The following TLE4 variants were observed in gnomAD, a reference collection of about 807,000 sequenced individuals.
TLE4 encodes transducin-like enhancer protein 4.
A neutral mutation model predicts 92.8 loss-of-function variants in TLE4; 8 were observed. That is an observed-to-expected ratio of 0.09 (90% CI 0.05 to 0.16). The LOEUF (loss-of-function observed/expected upper bound fraction) is 0.16. Ranked by LOEUF, TLE4 falls within the 10% of genes least tolerant of loss-of-function variation. The pLI is 1.00. For missense variants in TLE4, 675 were observed against 997.6 expected (o/e 0.68, Z 4.36); for synonymous variants, 371 against 374.1 (o/e 0.99, Z 0.10).
intron 16 of TLE4, 81 bp downstream of exon 16, chr9:79,720,374 ATGGG>A: frequency 1.7e-6 from 2 of 1,174,660 alleles, no homozygotes; most frequent in Non-Finnish European, 2.3e-6. Flanking sequence ...GTATATAGGT[ATGGG>A]TGTGTGTGTG....
intron 16 of TLE4, among the ~76,000 whole-genome samples, chr9:79,720,661 A>G (rs1319457978): frequency 1.3e-5 from 2 of 152,080 alleles, no homozygotes; most frequent in Admixed American, 6.6e-5. Context: ...CTCCATGGAC[A>G]TCTGTAATTT....
At chr9:79,637,078 C>A (rs1324171850) in intron 6 of TLE4, among the ~76,000 whole-genome samples, 1 of 101,526 alleles carries the variant, frequency 9.8e-6, no homozygotes, top group Non-Finnish European at 1.9e-5. Context: ...CTGTAGAATG[C>A]AAGGCTGGAG....
At chr9:79,661,402 G>A (rs1424494269) in intron 8 of TLE4, among the ~76,000 whole-genome samples, 2 of 152,146 alleles carry the variant, frequency 1.3e-5, no homozygotes, top group Non-Finnish European at 2.9e-5. Context: ...TATCTTCTGG[G>A]TTAAAAGACT....
chr9:79,606,331 C>CT lies in TLE4; in HGVS notation c.253-6311dup, dbSNP rs35416123. On this transcript the variant is annotated intron_variant, in intron 4 of 19. Coordinates refer to ENST00000376552, the MANE Select transcript of TLE4 (RefSeq NM_007005.6). ...ATCTTTAAGCTTTATTCCAGTCAGG[C>CT]TTTTTTTTTTTTTTAAGAATACCTA... Among the ~76,000 whole-genome samples the CT allele has an allele frequency of 5.6e-3, 542 of 96,030 alleles. 5 individuals carry two copies. Among genetic ancestry groups the CT allele is most frequent in the East Asian group, 0.038 (116 of 3,030 alleles). The allele number at this position is 96,030 out of a possible 152,430, so 63.0% of individuals were successfully genotyped here. A position where few individuals can be genotyped will look rare whatever the true frequency, so the allele number is the denominator to read the frequency against.
intron 4 of TLE4, among the ~76,000 whole-genome samples, chr9:79,604,155 A>T (rs1235548946): frequency 6.6e-6 from 1 of 152,106 alleles, no homozygotes; most frequent in Non-Finnish European, 1.5e-5. Flanking sequence ...TGAAAGCATC[A>T]GAGGGAGTGT....
intron 8 of TLE4, among the ~76,000 whole-genome samples, chr9:79,654,466 A>G (rs1246579017): frequency 6.6e-6 from 1 of 151,970 alleles, no homozygotes; most frequent in Admixed American, 6.6e-5. Flanking sequence ...GCTCCAACCT[A>G]CAAAAATATT....
At chr9:79,707,421 C>T (rs2071947528) in intron 11 of TLE4, among the ~76,000 whole-genome samples, 1 of 152,212 alleles carries the variant, frequency 6.6e-6, no homozygotes, top group Non-Finnish European at 1.5e-5. Flanking sequence ...CCCTATTCTT[C>T]TGTGGCTGTG....
At chr9:79,610,962 T>A (rs2048237784) in intron 4 of TLE4, among the ~76,000 whole-genome samples, 1 of 152,016 alleles carries the variant, frequency 6.6e-6, no homozygotes. Context: ...GAAAATATGC[T>A]TGGCAGATGG....
chr9:79,612,626 T>C (rs777026320), intron 4 of TLE4, 30 bp from the exon 5 acceptor site: 3 of 1,599,824 alleles, frequency 1.9e-6, no homozygotes, highest in South Asian at 1.1e-5. Context: ...CTGTTCTCTT[T>C]ATTGCTTTCC....
intron 4 of TLE4, among the ~76,000 whole-genome samples, chr9:79,611,705 TAAA>T (rs879695599): frequency 1.3e-5 from 2 of 151,688 alleles, no homozygotes; most frequent in Non-Finnish European, 2.9e-5. Flanking sequence ...GTACGTGTAT[TAAA>T]AAAAACTGTG....
intron 8 of TLE4, among the ~76,000 whole-genome samples, chr9:79,665,414 C>T (rs2061232732): frequency 6.6e-6 from 1 of 152,198 alleles, no homozygotes; most frequent in African/African-American, 2.4e-5. Context: ...ATGCTGCCTT[C>T]TGAGTAGAAT....
At chr9:79,573,995 A>G in intron 2 of TLE4, 1 of 366,676 alleles carries the variant, frequency 2.7e-6, no homozygotes, top group Non-Finnish European at 4.9e-6. Flanking sequence ...AAATAAAAAG[A>G]AGGCAGAACA....
chr9:79,618,664 G>C (rs935343826), intron 5 of TLE4, among the ~76,000 whole-genome samples: 8 of 152,062 alleles, frequency 5.3e-5, no homozygotes, highest in African/African-American at 1.9e-4. Flanking sequence ...TTTTTTTGGT[G>C]GTGGTGGTTG....
At chr9:79,661,986 A>G (rs973039962) in intron 8 of TLE4, among the ~76,000 whole-genome samples, 15 of 152,186 alleles carry the variant, frequency 9.9e-5, no homozygotes, top group Admixed American at 8.5e-4. Context: ...AACAACACAC[A>G]CATACATGTA....
At chr9:79,580,569 C>A (rs1754434985) in intron 4 of TLE4, among the ~76,000 whole-genome samples, 1 of 151,898 alleles carries the variant, frequency 6.6e-6, no homozygotes, top group African/African-American at 2.4e-5. Context: ...ACCACATTTC[C>A]CTTATGATAA....
intron 6 of TLE4, among the ~76,000 whole-genome samples, chr9:79,630,498 A>G (rs983830683): frequency 6.6e-6 from 1 of 152,128 alleles, no homozygotes; most frequent in Non-Finnish European, 1.5e-5. Context: ...TTTGTTTTGA[A>G]TTGGTGATAT....
At chr9:79,684,460 T>A (rs1052118538) in intron 8 of TLE4, among the ~76,000 whole-genome samples, 2 of 38,996 alleles carry the variant, frequency 5.1e-5, no homozygotes, top group Non-Finnish European at 2.3e-4. Flanking sequence ...TACTCTATTG[T>A]GAACTGTGCA....
At chr9:79,678,754 A>T (rs539440853) in intron 8 of TLE4, among the ~76,000 whole-genome samples, 1 of 151,812 alleles carries the variant, frequency 6.6e-6, no homozygotes, top group Non-Finnish European at 1.5e-5. Context: ...TATATGTCCT[A>T]ATGCTATCCC....
At chr9:79,714,805 C>T (rs1222460076) in intron 14 of TLE4, among the ~76,000 whole-genome samples, 2 of 152,208 alleles carry the variant, frequency 1.3e-5, no homozygotes, top group Non-Finnish European at 2.9e-5. Flanking sequence ...GTACTTAACA[C>T]ATTGTGCATT....
Sources: allele counts gnomAD v4.1 joint callset (sites outside exome capture counted in the v4.1 genomes callset), GRCh38; gene constraint gnomAD v4.1.1; transcripts MANE v1.5; gene names NCBI Gene and HGNC (gene_info 2026-07-23, HGNC 2026-07-21).